The following TLN2 variants were observed in gnomAD, a reference collection of about 807,000 sequenced individuals.
TLN2 encodes talin 2.
TLN2 carries 118 observed loss-of-function variants against 294.7 expected under a neutral mutation model. The observed-to-expected ratio is 0.40, with a 90% CI of 0.34 to 0.47. The LOEUF (loss-of-function observed/expected upper bound fraction) is 0.47. Among genes scored for constraint, TLN2 ranks in the 20% least tolerant of loss-of-function variants. The probability of loss-of-function intolerance (pLI) is 0.84; values close to 1 mark genes in which losing one functional copy is unlikely to be tolerated. For missense variants in TLN2, 3,083 were observed against 3,282.2 expected (o/e 0.94, Z 1.48); for synonymous variants, 1,431 against 1,304.5 (o/e 1.10, Z -2.09).
chr15:62,432,872 G>A (rs1336496075), intron 1 of TLN2, among the ~76,000 whole-genome samples: 1 of 152,134 alleles, frequency 6.6e-6, no homozygotes, highest in Non-Finnish European at 1.5e-5. Context: ...TCACATAACT[G>A]GCAGGGGAGA....
intron 1 of TLN2, among the ~76,000 whole-genome samples, chr15:62,587,622 C>G (rs902505727): frequency 1.9e-4 from 29 of 152,156 alleles, no homozygotes; most frequent in African/African-American, 6.0e-4. Flanking sequence ...TATCCTCCTC[C>G]TTTCATAATT....
At chr15:62,739,621 T>C in intron 31 of TLN2, 76 bp downstream of exon 31, 1 of 1,533,672 alleles carries the variant, frequency 6.5e-7, no homozygotes, top group Non-Finnish European at 8.9e-7. Context: ...TGAGACTGAC[T>C]GAACAAATAG....
intron 3 of TLN2, among the ~76,000 whole-genome samples, chr15:62,622,358 G>C (rs754565506): frequency 6.6e-6 from 1 of 152,110 alleles, no homozygotes; most frequent in Admixed American, 6.5e-5. Context: ...GATGGTTTCT[G>C]CTTTCAGCCA....
At chr15:62,743,182 G>A (rs565189960) in intron 32 of TLN2, among the ~76,000 whole-genome samples, 9 of 152,238 alleles carry the variant, frequency 5.9e-5, no homozygotes, top group African/African-American at 2.2e-4. Context: ...GAAGGGATCT[G>A]ATCATCATAG....
chr15:62,651,932 T>G lies in TLN2; in HGVS notation c.235-73T>G, dbSNP rs1596501340. 5 of 1,445,708 alleles carry G rather than the reference T, an allele frequency of 3.5e-6. No homozygotes were observed. The East Asian group carries it at 9.3e-5, about 27-fold the overall frequency. 89.6% of individuals were successfully genotyped at this position (1,445,708 alleles called of 1,614,324 possible). On this transcript the variant is annotated intron_variant, in intron 5 of 58. Coordinates refer to ENST00000636159, the MANE Select transcript of TLN2 (RefSeq NM_015059.3). ...TCTGATTTTTTTAAAATTCATTTTT[T>G]AAAGAAAAGTGTTCAAGTTTGTTAT...
At chr15:62,650,857 T>A (rs2052509434) in intron 5 of TLN2, among the ~76,000 whole-genome samples, 1 of 152,084 alleles carries the variant, frequency 6.6e-6, no homozygotes, top group Admixed American at 6.5e-5. Flanking sequence ...ATACTTCTAG[T>A]TTTAGGAAGT....
chr15:62,827,126 T>C (rs1190157205), intron 54 of TLN2, among the ~76,000 whole-genome samples: 1 of 152,234 alleles, frequency 6.6e-6, no homozygotes, highest in Non-Finnish European at 1.5e-5. Context: ...ATGCATGCCT[T>C]ATGCTCCTTC....
intron 2 of TLN2, among the ~76,000 whole-genome samples, chr15:62,612,730 C>T (rs1483215413): frequency 1.3e-5 from 2 of 152,160 alleles, no homozygotes; most frequent in Non-Finnish European, 2.9e-5. Flanking sequence ...GGGCTGACTT[C>T]TCCACTTAAT....
chr15:62,658,047 A>C, intron 9 of TLN2, 149 bp downstream of exon 9: 1 of 747,024 alleles, frequency 1.3e-6, no homozygotes, highest in Non-Finnish European at 2.0e-6. Context: ...TAGATGACCA[A>C]ATTTGCAGAT....
chr15:62,688,723 C>T (rs1055196398), intron 12 of TLN2, among the ~76,000 whole-genome samples: 3 of 152,062 alleles, frequency 2.0e-5, no homozygotes, highest in Non-Finnish European at 4.4e-5. Context: ...TCTATCTTAA[C>T]AGAGAAGTTG....
At chr15:62,510,793 G>C (rs747545409) in intron 1 of TLN2, among the ~76,000 whole-genome samples, 8 of 152,234 alleles carry the variant, frequency 5.3e-5, no homozygotes, top group Non-Finnish European at 1.0e-4. Context: ...ATGACTCTCT[G>C]AGAATTAATA....
rs1567073 is a variant in TLN2 at position 62,478,359 on chromosome 15, T to G, written c.-238+87674T>G. Among the ~76,000 whole-genome samples the G allele has an allele frequency of 6.6e-3, 1,010 of 152,274 alleles. 8 individuals are homozygous for G. Among genetic ancestry groups the G allele is most frequent in the Non-Finnish European group, 9.1e-3 (619 of 68,022 alleles). The stretch of plus-strand genomic sequence containing the variant: ...GCATCCTAGGTTATTTGTTACTTTC[T>G]TCTTTTTACCCACCCTCAGCTTAGA... On this transcript the variant is annotated intron_variant, in intron 1 of 58. Transcript: ENST00000636159.
At chr15:62,483,885 T>A (rs961556948) in intron 1 of TLN2, among the ~76,000 whole-genome samples, 5 of 152,138 alleles carry the variant, frequency 3.3e-5, no homozygotes, top group Non-Finnish European at 7.3e-5. Context: ...CACCCATGGA[T>A]TACATTTGGC....
intron 1 of TLN2, among the ~76,000 whole-genome samples, chr15:62,521,397 G>T (rs1273932008): frequency 1.3e-5 from 2 of 152,188 alleles, no homozygotes; most frequent in African/African-American, 4.8e-5. Flanking sequence ...TGATATGAGT[G>T]ACCATGGCCT....
intron 1 of TLN2, among the ~76,000 whole-genome samples, chr15:62,419,516 C>A (rs945015795): frequency 7.9e-5 from 12 of 152,084 alleles, no homozygotes; most frequent in African/African-American, 2.7e-4. Flanking sequence ...ACCCTCCTGA[C>A]CTTAATACGA....
chr15:62,392,064 A>G (rs932035441), intron 1 of TLN2, among the ~76,000 whole-genome samples: 1 of 152,266 alleles, frequency 6.6e-6, no homozygotes, highest in African/African-American at 2.4e-5. Context: ...GCCGCCGAAC[A>G]GCCTGAGCTT....
intron 45 of TLN2, chr15:62,784,949 C>T (rs954738955): frequency 6.6e-6 from 1 of 152,192 alleles, no homozygotes; most frequent in Non-Finnish European, 1.5e-5. Context: ...TTTACAGAGA[C>T]TCCGAGAGAT....
At chr15:62,791,827 T>C (rs1338844946) in intron 45 of TLN2, among the ~76,000 whole-genome samples, 2 of 152,206 alleles carry the variant, frequency 1.3e-5, no homozygotes, top group Non-Finnish European at 2.9e-5. Flanking sequence ...AAATTTGATG[T>C]GAAACAGGGC....
chr15:62,741,748 C>CGTGCGTGTGTGTGTGTGTGTGTGTGT (rs1555495652), intron 32 of TLN2, among the ~76,000 whole-genome samples: 2 of 131,072 alleles, frequency 1.5e-5, no homozygotes, highest in South Asian at 5.4e-4. Context: ...AAAATTTGCG[C>CGTGCGTGTGTGTGTGTGTGTGTGTGT]GTGTGTGTGT....
Sources: gnomAD v4.1 joint callset for allele counts (sites outside exome capture counted in the v4.1 genomes callset) on GRCh38, gnomAD v4.1.1 for gene constraint, MANE v1.5 for transcripts, NCBI Gene and HGNC (gene_info 2026-07-23, HGNC 2026-07-21) for gene names.